The following GLIS3 variants were observed in gnomAD, a reference collection of about 807,000 sequenced individuals.
GLIS3 encodes GLIS family zinc finger 3.
In GLIS3, 53 loss-of-function variants were observed where a neutral mutation model predicts 78.6. That is an observed-to-expected ratio of 0.67 (90% CI 0.54 to 0.85). The LOEUF is 0.85. Among genes scored for constraint, GLIS3 ranks in the 40% least tolerant of loss-of-function variants. The pLI, the probability that GLIS3 is intolerant of heterozygous loss-of-function variation, is 0.00. For synonymous variants in GLIS3, 684 were observed against 509.9 expected (o/e 1.34, Z -4.60); for missense variants, 1,703 against 1,231.1 (o/e 1.38, Z -5.74).
chr9:4,407,877 TTAA>T, the GLIS3 span, among the ~76,000 whole-genome samples: 1 of 152,074 alleles, frequency 6.6e-6, no homozygotes, highest in African/African-American at 2.4e-5. Context: ...TGACAAAGTG[TTAA>T]TAATAGAATA....
At chr9:4,356,381 A>T in the GLIS3 span, among the ~76,000 whole-genome samples, 1 of 152,236 alleles carries the variant, frequency 6.6e-6, no homozygotes, top group Admixed American at 6.5e-5. Context: ...CAGGGATCCG[A>T]CAAAGCAATA....
chr9:3,956,192 A>G (rs1817102187), intron 4 of GLIS3, among the ~76,000 whole-genome samples: 1 of 152,154 alleles, frequency 6.6e-6, no homozygotes, highest in African/African-American at 2.4e-5. Flanking sequence ...AAAGAAAAAA[A>G]AAATCACCTC....
chr9:3,841,546 T>C (rs927406166), intron 9 of GLIS3, among the ~76,000 whole-genome samples: 2 of 152,138 alleles, frequency 1.3e-5, no homozygotes, highest in African/African-American at 4.8e-5. Flanking sequence ...CAGCTACCCA[T>C]TAGTAGCCAC....
the GLIS3 span, among the ~76,000 whole-genome samples, chr9:4,377,837 A>G: frequency 6.6e-6 from 1 of 152,210 alleles, no homozygotes; most frequent in African/African-American, 2.4e-5. Context: ...AATGGAGGAA[A>G]AAACAGTCGT....
chr9:4,381,035 G>T, the GLIS3 span, among the ~76,000 whole-genome samples: 3 of 152,110 alleles, frequency 2.0e-5, no homozygotes, highest in African/African-American at 7.2e-5. Context: ...TGGTCAAATT[G>T]TTGATGGGTA....
chr9:4,370,183 C>CA, the GLIS3 span, among the ~76,000 whole-genome samples: 30,160 of 88,240 alleles, frequency 0.34, 5,433 homozygotes, highest in East Asian at 0.47. Context: ...GACTCCATCT[C>CA]AAAAAAAAAA....
chr9:4,195,279 C>T (rs1818712112), intron 2 of GLIS3, among the ~76,000 whole-genome samples: 1 of 152,170 alleles, frequency 6.6e-6, no homozygotes, highest in Non-Finnish European at 1.5e-5. Context: ...GCTCCCTTGG[C>T]TTGCAGGGAG....
the GLIS3 span, among the ~76,000 whole-genome samples, chr9:4,414,418 G>C: frequency 6.6e-6 from 1 of 152,160 alleles, no homozygotes; most frequent in Non-Finnish European, 1.5e-5. Context: ...CCACCTATGT[G>C]ACAATGGACA....
chr9:4,099,754 G>T (rs538773421), intron 4 of GLIS3, among the ~76,000 whole-genome samples: 1 of 152,178 alleles, frequency 6.6e-6, no homozygotes, highest in Non-Finnish European at 1.5e-5. Flanking sequence ...TGCATATTAA[G>T]TATGAAGAGA....
chr9:4,053,214 G>A (rs10974302), intron 4 of GLIS3, among the ~76,000 whole-genome samples: 42,999 of 152,014 alleles, frequency 0.28, 7,020 homozygotes, highest in East Asian at 0.42. Context: ...CTCCCAAAGG[G>A]CTATGATTAC....
intron 4 of GLIS3, among the ~76,000 whole-genome samples, chr9:4,058,046 A>G (rs890725735): frequency 3.9e-5 from 6 of 152,206 alleles, no homozygotes; most frequent in Admixed American, 1.3e-4. Flanking sequence ...ACCTCTCCAA[A>G]CAAAGCTAAG....
At chr9:4,276,562 G>A (rs1487167469) in intron 2 of GLIS3, among the ~76,000 whole-genome samples, 1 of 144,466 alleles carries the variant, frequency 6.9e-6, no homozygotes, top group South Asian at 2.4e-4. Context: ...GGGAGGGGAG[G>A]GGAGGGAAGA....
chr9:4,323,588 A>G (rs1007033809), intron 2 of GLIS3, among the ~76,000 whole-genome samples: 1 of 152,138 alleles, frequency 6.6e-6, no homozygotes, highest in East Asian at 1.9e-4. Flanking sequence ...CTCAGGCATC[A>G]TTTCCTCAGG....
At chr9:4,003,466 TAAGAA>T (rs1266637480) in intron 4 of GLIS3, among the ~76,000 whole-genome samples, 1 of 152,154 alleles carries the variant, frequency 6.6e-6, no homozygotes, top group Non-Finnish European at 1.5e-5. Context: ...AAGAAATGCT[TAAGAA>T]TAGAGTGGCA....
chr9:4,449,747 A>C, the GLIS3 span, among the ~76,000 whole-genome samples: 1 of 152,234 alleles, frequency 6.6e-6, no homozygotes, highest in Non-Finnish European at 1.5e-5. Context: ...CCTGCAGCTG[A>C]GGGACCTGAC....
intron 4 of GLIS3, among the ~76,000 whole-genome samples, chr9:4,026,421 A>C (rs991106840): frequency 6.6e-6 from 1 of 152,234 alleles, no homozygotes; most frequent in African/African-American, 2.4e-5. Context: ...ATTAACATGC[A>C]CTGAAGTATG....
rs189356900 is a variant in GLIS3 at position 4,279,672 on chromosome 9, G to C, written c.388+6366C>G. Among the ~76,000 whole-genome samples the C allele has an allele frequency of 4.4e-3, 625 of 140,810 alleles. 1 individual carries two copies. Among genetic ancestry groups the C allele is most frequent in the Non-Finnish European group, 7.0e-3 (458 of 65,770 alleles). The allele number at this position is 140,810 out of a possible 152,430, so 92.4% of individuals were successfully genotyped here. On this transcript the variant is annotated intron_variant, in intron 2 of 10. Transcript: ENST00000381971. ...ATATTTCAACTGGTGTTAACCTAGA[G>C]CTTAGATTAGAGCTTGTTTGGTCAG...
the GLIS3 span, among the ~76,000 whole-genome samples, chr9:4,381,265 T>C: frequency 6.6e-6 from 1 of 152,206 alleles, no homozygotes. Context: ...AATTTTAGGA[T>C]AGAAGATGAG....
chr9:3,956,047 A>C (rs1817087827), intron 4 of GLIS3, among the ~76,000 whole-genome samples: 1 of 148,304 alleles, frequency 6.7e-6, no homozygotes, highest in African/African-American at 2.5e-5. Context: ...AAAAAAAAAA[A>C]AGAAAGAAAA....
Sources: gnomAD v4.1 joint callset for allele counts (sites outside exome capture counted in the v4.1 genomes callset) on GRCh38, gnomAD v4.1.1 for gene constraint, MANE v1.5 for transcripts, NCBI Gene and HGNC (gene_info 2026-07-23, HGNC 2026-07-21) for gene names.